Variants in FAM222B observed in about 807,000 individuals in gnomAD.
FAM222B encodes protein FAM222B.
FAM222B carries 12 observed loss-of-function variants against 38.0 expected under a neutral mutation model. That is an observed-to-expected ratio of 0.32 (90% CI 0.20 to 0.51). The LOEUF is 0.51. FAM222B is among the 20% of genes least tolerant of loss of function. The probability of loss-of-function intolerance (pLI) is 0.97; values close to 1 mark genes in which losing one functional copy is unlikely to be tolerated. For missense variants in FAM222B, 716 were observed against 754.2 expected, an observed-to-expected ratio of 0.95 and a Z score of 0.59; for synonymous variants, 329 against 317.2, an observed-to-expected ratio of 1.04 and a Z score of -0.40.
In FAM222B at chr17:28,826,783, G is replaced by A. The variant is rs892164705; in HGVS notation, c.-41+15899C>T. 4.0e-5 allele frequency among the ~76,000 whole-genome samples: 6 copies of A among 151,536 alleles called. No individual in the cohort carries two copies. In the Admixed American group the frequency reaches 4.0e-4, roughly 10 times the overall value. The stretch of plus-strand genomic sequence containing the variant: ...CTTTGTCTATCTTGTTTTGTGTACT[G>A]CCAATGCTGAAAACATAGTAGAAAC... On this transcript the variant is annotated intron_variant, in intron 1 of 2. Transcript: ENST00000581407.
At chr17:28,854,884 C>T in intron 1 of FAM222B, 1 of 787,976 alleles carries the variant, frequency 1.3e-6, no homozygotes, top group Non-Finnish European at 2.0e-6. Flanking sequence ...CTCCACCAGT[C>T]TCCAGAGCAA....
At chr17:28,781,313 C>T (rs1371837187) in intron 1 of FAM222B, among the ~76,000 whole-genome samples, 3 of 151,756 alleles carry the variant, frequency 2.0e-5, no homozygotes, top group African/African-American at 4.8e-5. Flanking sequence ...AACAAAAAAC[C>T]AAAAACAAAC....
chr17:28,818,145 G>A (rs2038089385), intron 1 of FAM222B, among the ~76,000 whole-genome samples: 1 of 151,502 alleles, frequency 6.6e-6, no homozygotes, highest in Admixed American at 6.6e-5. Context: ...GATCATTTGA[G>A]CCCAGGAGTA....
chr17:28,768,836 CAA>C lies in FAM222B; in HGVS notation c.-40-2131_-40-2130del, dbSNP rs71359249. Among the ~76,000 whole-genome samples the C allele has an allele frequency of 5.5e-3, 393 of 70,894 alleles. 2 individuals carry two copies. Among genetic ancestry groups the C allele is most frequent in the Middle Eastern group, 0.014 (2 of 148 alleles). 46.5% of individuals were successfully genotyped at this position (70,894 alleles called of 152,430 possible). On this transcript the variant is annotated intron_variant, in intron 1 of 2. Coordinates refer to ENST00000581407, the MANE Select transcript of FAM222B (RefSeq NM_001077498.3). ...GGGCCACAAGAGTAAAACTCTGTCT[CAA>C]AAAAAAAAAAAAAAAAAAAAAAGAG...
Position 28,775,419 on chromosome 17 carries a change from C to A in FAM222B, c.-40-8712G>T, listed in dbSNP as rs1156419317. On this transcript the variant is annotated intron_variant, in intron 1 of 2. Transcript: ENST00000581407. ...TCGCCACTCACAATCTAGTGTCTTTCAGTACTTCATTAGTTCTCTTCTGCC... is the reference window on the plus strand; with the variant it reads ...TCGCCACTCACAATCTAGTGTCTTTAAGTACTTCATTAGTTCTCTTCTGCC... Among the ~76,000 whole-genome samples, 7 of 149,976 alleles carry A rather than the reference C, an allele frequency of 4.7e-5. No homozygotes were observed. In the Admixed American group the frequency reaches 4.7e-4, roughly 10 times the overall value.
chr17:28,807,886 A>T (rs1324608129), intron 1 of FAM222B, among the ~76,000 whole-genome samples: 2 of 152,260 alleles, frequency 1.3e-5, no homozygotes, highest in Non-Finnish European at 2.9e-5. Context: ...GTCTGGTTTA[A>T]AACAAACAAA....
At chr17:28,787,942 A>G (rs1253791632) in intron 1 of FAM222B, among the ~76,000 whole-genome samples, 2 of 147,738 alleles carry the variant, frequency 1.4e-5, no homozygotes, top group Non-Finnish European at 3.0e-5. Context: ...CTCCTGCCTC[A>G]GCCTCCCGAG....
At chr17:28,816,613 G>C (rs894398533) in intron 1 of FAM222B, among the ~76,000 whole-genome samples, 1 of 151,326 alleles carries the variant, frequency 6.6e-6, no homozygotes. Flanking sequence ...AAACGACACA[G>C]TTCCCAGTAG....
chr17:28,776,612 C>T (rs1181103094), intron 1 of FAM222B, among the ~76,000 whole-genome samples: 1 of 151,372 alleles, frequency 6.6e-6, no homozygotes, highest in Admixed American at 6.6e-5. Flanking sequence ...ATGCCACCAC[C>T]TGGTTAATTT....
intron 1 of FAM222B, among the ~76,000 whole-genome samples, chr17:28,852,264 G>A (rs1487453286): frequency 6.6e-6 from 1 of 151,908 alleles, no homozygotes; most frequent in Non-Finnish European, 1.5e-5. Flanking sequence ...CTACTCGGGA[G>A]GCTGAGGCAG....
At chr17:28,825,980 G>C (rs1021449974) in intron 1 of FAM222B, among the ~76,000 whole-genome samples, 5 of 151,928 alleles carry the variant, frequency 3.3e-5, no homozygotes, top group Admixed American at 2.6e-4. Context: ...TGTCATGTTG[G>C]CCAGGCTGGT....
At chr17:28,766,413 C>T (rs1480609074) in intron 2 of FAM222B, among the ~76,000 whole-genome samples, 173 bp downstream of exon 2, 1 of 150,896 alleles carries the variant, frequency 6.6e-6, no homozygotes, top group African/African-American at 2.4e-5. Flanking sequence ...ATCAAGATCG[C>T]GTCATTGCAC....
intron 1 of FAM222B, among the ~76,000 whole-genome samples, chr17:28,789,807 G>T (rs2036584340): frequency 6.6e-6 from 1 of 152,192 alleles, no homozygotes. Flanking sequence ...AGTGCTCAAA[G>T]AATAACAGTG....
In FAM222B at chr17:28,756,272, G is replaced by A. The variant is rs1284947832; in HGVS notation, c.*1998C>T. On this transcript the variant is annotated 3_prime_UTR_variant, in exon 3 of 3. Transcript: ENST00000581407. ...CAAAGGCGAGGGCAGTTGGGGGCAG[G>A]GGGATCACAGTACATTTTCCATGCA... 1 of 152,736 alleles carries A rather than the reference G, an allele frequency of 6.5e-6. No homozygotes were observed. The highest frequency in any genetic ancestry group is 1.5e-5 in the Non-Finnish European group (1 of 68,224). The allele number at this position is 152,736 out of a possible 1,614,324, so 9.5% of individuals were successfully genotyped here. A position where few individuals can be genotyped will look rare whatever the true frequency, so the allele number is the denominator to read the frequency against.
At chr17:28,762,956 T>G (rs1367126837) in intron 2 of FAM222B, among the ~76,000 whole-genome samples, 1 of 151,712 alleles carries the variant, frequency 6.6e-6, no homozygotes, top group East Asian at 1.9e-4. Context: ...AAAAAAAAGT[T>G]TTCTCAACAC....
intron 1 of FAM222B, among the ~76,000 whole-genome samples, chr17:28,804,780 C>T (rs1477652463): frequency 6.6e-5 from 10 of 151,764 alleles, no homozygotes; most frequent in Non-Finnish European, 1.2e-4. Context: ...CGGTGGCTCA[C>T]GCCTATAATC....
chr17:28,758,961 G>T lies in FAM222B; in HGVS notation c.998C>A (p.Ala333Asp). ...ACCTGCAGCAGGCAACGCGGCGGTG[G>T]CCGCGTGGGTGTGCTCCATGGGATT... ...VVNPMEHTHA[A>D]TAALPAAGPV... is the part of the protein sequence containing the mutation. Residue 333 changes from alanine (A) to aspartate (D), a missense_variant, in exon 3 of 3, where the codon GCC (alanine) becomes GAC (aspartate). Ala to Asp is a moderately radical substitution (Grantham distance 126). Coordinates refer to ENST00000581407, the MANE Select transcript of FAM222B (RefSeq NM_001077498.3). 1 of 1,610,870 alleles carries T rather than the reference G, an allele frequency of 6.2e-7. No individual in the cohort carries two copies. The highest frequency in any genetic ancestry group is 8.5e-7 in the Non-Finnish European group (1 of 1,178,734).
At chr17:28,822,842 T>A (rs2038303926) in intron 1 of FAM222B, among the ~76,000 whole-genome samples, 18 of 84,044 alleles carry the variant, frequency 2.1e-4, no homozygotes, top group African/African-American at 4.7e-4. Flanking sequence ...AATATATATA[T>A]ATATATATAT....
At chr17:28,803,099 C>T (rs1401031388) in intron 1 of FAM222B, among the ~76,000 whole-genome samples, 1 of 152,020 alleles carries the variant, frequency 6.6e-6, no homozygotes, top group Non-Finnish European at 1.5e-5. Flanking sequence ...ACCTCCACCT[C>T]CCAAGTTCAA....
Sources: gnomAD v4.1 joint callset for allele counts (sites outside exome capture counted in the v4.1 genomes callset) on GRCh38, gnomAD v4.1.1 for gene constraint, MANE v1.5 for transcripts, NCBI Gene and HGNC (gene_info 2026-07-23, HGNC 2026-07-21) for gene names.